The following PPIH variants were observed in gnomAD, a reference collection of about 807,000 sequenced individuals.
The protein encoded by PPIH is peptidylprolyl isomerase H.
Under a neutral mutation model 27.6 loss-of-function variants are expected in PPIH, and 16 were observed. The ratio of observed to expected loss-of-function variants is 0.58; its 90% CI spans 0.39 to 0.88. The LOEUF (loss-of-function observed/expected upper bound fraction) is 0.88. PPIH is among the 40% of genes least tolerant of loss of function. The pLI, the probability that PPIH is intolerant of heterozygous loss-of-function variation, is 0.00. For synonymous variants in PPIH, 63 were observed against 76.1 expected (o/e 0.83, Z 0.90); for missense variants, 155 against 224.1 (o/e 0.69, Z 1.97).
intron 4 of PPIH, among the ~76,000 whole-genome samples, chr1:42,659,855 CATATA>C (rs1183761770): frequency 6.6e-6 from 1 of 152,222 alleles, no homozygotes; most frequent in Non-Finnish European, 1.5e-5. Flanking sequence ...TCCTAAAGTG[CATATA>C]ATATATCCTG....
chr1:42,668,416 CCTTT>C (rs1649460016), intron 9 of PPIH, among the ~76,000 whole-genome samples: 1 of 151,946 alleles, frequency 6.6e-6, no homozygotes. Flanking sequence ...CTTCCTTTAC[CCTTT>C]CTTCTTCTCT....
At chr1:42,666,848 C>T (rs1207718851) in intron 8 of PPIH, among the ~76,000 whole-genome samples, 1 of 152,194 alleles carries the variant, frequency 6.6e-6, no homozygotes, top group African/African-American at 2.4e-5. Context: ...CCCTGTCTAC[C>T]TCTCCATGGC....
intron 9 of PPIH, among the ~76,000 whole-genome samples, chr1:42,675,820 G>A (rs1243110305): frequency 6.6e-6 from 1 of 152,174 alleles, no homozygotes; most frequent in African/African-American, 2.4e-5. Flanking sequence ...CAAGGAAGAA[G>A]GATTGCTTTT....
intron 5 of PPIH, among the ~76,000 whole-genome samples, chr1:42,663,162 TCTTC>T (rs1649137522): frequency 6.6e-6 from 1 of 152,262 alleles, no homozygotes; most frequent in Admixed American, 6.5e-5. Flanking sequence ...TTGTTTTCTC[TCTTC>T]CTTCTGTATT....
At chr1:42,663,783 C>G (rs563553024) in intron 5 of PPIH, among the ~76,000 whole-genome samples, 1 of 152,126 alleles carries the variant, frequency 6.6e-6, no homozygotes, top group Non-Finnish European at 1.5e-5. Flanking sequence ...TTTCTTTATT[C>G]TCTGGCTTAT....
chr1:42,659,147 T>C, intron 2 of PPIH, 81 bp from the exon 3 acceptor site: 2 of 1,588,400 alleles, frequency 1.3e-6, no homozygotes, highest in Non-Finnish European at 1.7e-6. Context: ...CTGGCTCCAG[T>C]GTTTATTCTT....
At chr1:42,669,571 G>A (rs1649521650) in intron 9 of PPIH, among the ~76,000 whole-genome samples, 1 of 152,150 alleles carries the variant, frequency 6.6e-6, no homozygotes, top group African/African-American at 2.4e-5. Context: ...TTACAGGCGT[G>A]AGCCACTGCC....
downstream of PPIH, chr1:42,681,344 C>T (rs1452388347): frequency 1.3e-5 from 2 of 152,254 alleles, no homozygotes; most frequent in East Asian, 3.8e-4. Context: ...CCTCCACCTT[C>T]TCCCTGCTTC....
At chr1:42,658,677 C>T (rs761360360) in intron 1 of PPIH, 165 bp downstream of exon 1, 2 of 1,109,702 alleles carry the variant, frequency 1.8e-6, no homozygotes, top group Non-Finnish European at 2.6e-6. Flanking sequence ...GGAGGAGTCT[C>T]CCCAATCCTA....
chr1:42,669,460 T>A (rs940953284), intron 9 of PPIH, among the ~76,000 whole-genome samples: 7 of 152,156 alleles, frequency 4.6e-5, no homozygotes, highest in Admixed American at 3.3e-4. Context: ...CACGCCCAGC[T>A]AATTTTTATA....
chr1:42,671,499 C>G (rs111899943), intron 9 of PPIH, among the ~76,000 whole-genome samples: 11 of 152,250 alleles, frequency 7.2e-5, no homozygotes, highest in African/African-American at 2.4e-4. Flanking sequence ...CTGTACTGGA[C>G]AGTGAACTCT....
At chr1:42,675,630 G>A (rs1649842987) in intron 9 of PPIH, among the ~76,000 whole-genome samples, 1 of 152,180 alleles carries the variant, frequency 6.6e-6, no homozygotes, top group South Asian at 2.1e-4. Flanking sequence ...CCTGCAGTAC[G>A]ATGCCAGTAC....
At chr1:42,671,320 C>G (rs928981695) in intron 9 of PPIH, among the ~76,000 whole-genome samples, 4 of 152,092 alleles carry the variant, frequency 2.6e-5, no homozygotes, top group Non-Finnish European at 5.9e-5. Context: ...CCCAGCTACT[C>G]CAGAGACAAA....
Position 42,664,876 on chromosome 1 carries a change from G to A in PPIH, c.257G>A (p.Gly86Glu). The change falls in exon 6 of 10, where the codon GGA becomes GAA. Residue 86 changes from glycine (G) to glutamate (E), a missense_variant. By Grantham distance (98) the Gly-to-Glu change is moderately conservative. Around this residue, in one of 2 missense-constraint regions of PPIH, gnomAD observed 96 missense variants for 175.3 expected, o/e 0.55. Coordinates refer to ENST00000304979, the MANE Select transcript of PPIH (RefSeq NM_006347.4). ...GGDFVNGDGTGVASIYRGPFA... is the reference protein window; with the variant it reads ...GGDFVNGDGTEVASIYRGPFA... ...CTCTCTGCTCAGGGAGATGGTACTG[G>A]AGTCGCCAGTATTTACCGGGGGCCA... The A allele has an allele frequency of 6.2e-7, 1 of 1,613,288 alleles. No individual in the cohort carries two copies. Among genetic ancestry groups the A allele is most frequent in the East Asian group, 2.2e-5 (1 of 44,818 alleles).
chr1:42,661,986 G>A (rs1454610791), intron 5 of PPIH, among the ~76,000 whole-genome samples: 2 of 152,176 alleles, frequency 1.3e-5, no homozygotes, highest in Non-Finnish European at 2.9e-5. Context: ...CATTTCACCA[G>A]TCTCCACAAC....
chr1:42,663,923 A>G (rs1325953954), intron 5 of PPIH, among the ~76,000 whole-genome samples: 4 of 152,118 alleles, frequency 2.6e-5, no homozygotes, highest in African/African-American at 9.7e-5. Flanking sequence ...ACTCCTCAAT[A>G]TTGCCTTTAA....
intron 6 of PPIH, among the ~76,000 whole-genome samples, chr1:42,665,222 G>A (rs1649262908): frequency 6.6e-6 from 1 of 151,870 alleles, no homozygotes; most frequent in Admixed American, 6.6e-5. Context: ...TGGCCAACAT[G>A]GTGAAACCCC....
chr1:42,659,006 C>A, intron 2 of PPIH, 98 bp downstream of exon 2: 1 of 1,419,520 alleles, frequency 7.0e-7, no homozygotes, highest in South Asian at 1.2e-5. Context: ...CGTCCGCTCA[C>A]TGCTCTTGAG....
chr1:42,667,233 A>G (rs1202677444), intron 8 of PPIH, 118 bp from the exon 9 acceptor site: 2 of 818,976 alleles, frequency 2.4e-6, no homozygotes, highest in African/African-American at 1.7e-5. Context: ...CTGCCAGGAC[A>G]TGGACTGTTT....
Sources: allele counts gnomAD v4.1 joint callset (sites outside exome capture counted in the v4.1 genomes callset), GRCh38; gene constraint gnomAD v4.1.1; regional missense constraint gnomAD v4.1.1; transcripts MANE v1.5; gene names NCBI Gene and HGNC (gene_info 2026-07-23, HGNC 2026-07-21).